Variants in VOPP1 observed in about 807,000 individuals in gnomAD.
The protein encoded by VOPP1 is VOPP1 WW domain binding protein.
Under a neutral mutation model 23.5 loss-of-function variants are expected in VOPP1, and 8 were observed. The ratio of observed to expected loss-of-function variants is 0.34; its 90% CI spans 0.20 to 0.61. The LOEUF (loss-of-function observed/expected upper bound fraction) is 0.61. Ranked by LOEUF, VOPP1 falls within the 20% of genes least tolerant of loss-of-function variation. The pLI, the probability that VOPP1 is intolerant of heterozygous loss-of-function variation, is 0.78. For missense variants in VOPP1, 174 were observed against 238.1 expected (o/e 0.73, Z 1.77); for synonymous variants, 83 against 97.3 (o/e 0.85, Z 0.86).
intron 4 of VOPP1, among the ~76,000 whole-genome samples, chr7:55,437,258 C>T (rs1790855698): frequency 6.6e-6 from 1 of 152,200 alleles, no homozygotes; most frequent in Non-Finnish European, 1.5e-5. Context: ...CCACGGAGGC[C>T]GCCTCGTAGC....
chr7:55,466,991 T>C (rs532146094), downstream of VOPP1, among the ~76,000 whole-genome samples: 3 of 152,252 alleles, frequency 2.0e-5, no homozygotes, highest in South Asian at 6.2e-4. Flanking sequence ...GATTTCAGAA[T>C]GAAACTTCCA....
chr7:55,509,929 G>C (rs1200748069), intron 2 of VOPP1, among the ~76,000 whole-genome samples: 1 of 152,100 alleles, frequency 6.6e-6, no homozygotes, highest in African/African-American at 2.4e-5. Flanking sequence ...ATTTCTACAG[G>C]AGTTGGACTC....
chr7:55,519,283 T>C (rs2129040386), intron 2 of VOPP1, among the ~76,000 whole-genome samples: 1 of 152,322 alleles, frequency 6.6e-6, no homozygotes, highest in South Asian at 2.1e-4. Flanking sequence ...GCAGGGCTTG[T>C]CTTTTGTATC....
chr7:55,463,686 C>A (rs1193660300), intron 4 of VOPP1, among the ~76,000 whole-genome samples: 1 of 152,198 alleles, frequency 6.6e-6, no homozygotes, highest in African/African-American at 2.4e-5. Context: ...GCCTGCTGAT[C>A]TTCCTCTCCC....
chr7:55,492,506 C>G (rs73137609), intron 3 of VOPP1, 88 bp from the exon 4 acceptor site: 446 of 1,431,190 alleles, frequency 3.1e-4, no homozygotes, highest in Non-Finnish European at 3.7e-4. Context: ...ATGCACTCCT[C>G]GGGGGTCCGG....
chr7:55,511,309 A>G (rs900167249), intron 2 of VOPP1, among the ~76,000 whole-genome samples: 9 of 152,248 alleles, frequency 5.9e-5, no homozygotes, highest in Non-Finnish European at 1.2e-4. Flanking sequence ...TTAGTAGAAT[A>G]TAAGTATAAG....
chr7:55,543,834 C>T lies in VOPP1; in HGVS notation c.55-22704G>A, dbSNP rs1797245517. Reference sequence around the variant, plus strand: ...AATCCCATGTCAGATGAATAGCCTACAAATATTTTCTCTCATTCTGTGGGT... The same window carrying T: ...AATCCCATGTCAGATGAATAGCCTATAAATATTTTCTCTCATTCTGTGGGT... On this transcript the variant is annotated intron_variant, in intron 1 of 4. Transcript: ENST00000285279. Among the ~76,000 whole-genome samples the T allele has an allele frequency of 2.0e-5, 3 of 152,108 alleles. No individual in the cohort carries two copies. In the South Asian group the frequency reaches 6.2e-4, roughly 31 times the overall value.
intron 3 of VOPP1, 54 bp downstream of exon 3, chr7:55,497,559 G>GCC: frequency 9.6e-7 from 1 of 1,040,066 alleles, no homozygotes; most frequent in Non-Finnish European, 1.3e-6. Context: ...ACTGATGGGG[G>GCC]GGGGGGGGGG....
chr7:55,490,403 G>A (rs1412011646), intron 4 of VOPP1, among the ~76,000 whole-genome samples: 3 of 152,106 alleles, frequency 2.0e-5, no homozygotes, highest in South Asian at 4.1e-4. Context: ...ACATAGGGAT[G>A]CATTCTCTTC....
intron 1 of VOPP1, among the ~76,000 whole-genome samples, chr7:55,558,087 A>C (rs1263228285): frequency 6.6e-6 from 1 of 152,152 alleles, no homozygotes; most frequent in Non-Finnish European, 1.5e-5. Flanking sequence ...ATTTGTCAAA[A>C]AGTACAAAGT....
chr7:55,540,452 T>C (rs1797079941), intron 1 of VOPP1, among the ~76,000 whole-genome samples: 1 of 146,058 alleles, frequency 6.8e-6, no homozygotes, highest in South Asian at 2.1e-4. Flanking sequence ...TAAAAATAAA[T>C]GAACTCCCAT....
At chr7:55,547,132 T>C (rs1797400065) in intron 1 of VOPP1, among the ~76,000 whole-genome samples, 1 of 152,192 alleles carries the variant, frequency 6.6e-6, no homozygotes, top group African/African-American at 2.4e-5. Context: ...GACAGAGCTG[T>C]AGGAGGGAGT....
intron 4 of VOPP1, among the ~76,000 whole-genome samples, chr7:55,445,991 C>CTTTTT (rs3066310): frequency 7.8e-6 from 1 of 128,328 alleles, no homozygotes; most frequent in Non-Finnish European, 1.6e-5. Context: ...CCAGGTGAAA[C>CTTTTT]TTTTTTTTTT....
At chr7:55,453,084 G>A (rs1018038022) in intron 4 of VOPP1, among the ~76,000 whole-genome samples, 2 of 152,154 alleles carry the variant, frequency 1.3e-5, no homozygotes, top group Admixed American at 1.3e-4. Flanking sequence ...CTCCTCAGTG[G>A]TCTTAGCTAG....
At chr7:55,529,995 TATC>T (rs1433251446) in intron 1 of VOPP1, among the ~76,000 whole-genome samples, 2 of 152,210 alleles carry the variant, frequency 1.3e-5, no homozygotes, top group African/African-American at 4.8e-5. Context: ...TTTTGGCTGT[TATC>T]AATAATGCTG....
chr7:55,514,839 T>C (rs1248780423), intron 2 of VOPP1, among the ~76,000 whole-genome samples: 1 of 152,188 alleles, frequency 6.6e-6, no homozygotes, highest in Non-Finnish European at 1.5e-5. Context: ...CTAGGACAAC[T>C]TGGGGCCATC....
At chr7:55,543,137 G>C (rs894520792) in intron 1 of VOPP1, among the ~76,000 whole-genome samples, 1 of 152,002 alleles carries the variant, frequency 6.6e-6, no homozygotes, top group Non-Finnish European at 1.5e-5. Context: ...GGATGGTCTC[G>C]ATCTCCTGAC....
intron 2 of VOPP1, among the ~76,000 whole-genome samples, chr7:55,501,223 G>C (rs1794341793): frequency 6.6e-6 from 1 of 152,224 alleles, no homozygotes; most frequent in Non-Finnish European, 1.5e-5. Flanking sequence ...CTTAATCATA[G>C]AGACATATAA....
chr7:55,490,228 AG>A (rs1191259818), intron 4 of VOPP1, among the ~76,000 whole-genome samples: 2 of 152,022 alleles, frequency 1.3e-5, no homozygotes, highest in African/African-American at 4.8e-5. Flanking sequence ...TGGAAGACAG[AG>A]GAGCTGGTGG....
Sources: gnomAD v4.1 joint callset for allele counts (sites outside exome capture counted in the v4.1 genomes callset) on GRCh38, gnomAD v4.1.1 for gene constraint, MANE v1.5 for transcripts, NCBI Gene and HGNC (gene_info 2026-07-23, HGNC 2026-07-21) for gene names.